The following ABL2 variants were observed in gnomAD, a reference collection of about 807,000 sequenced individuals.
The protein encoded by ABL2 is tyrosine-protein kinase ABL2.
In ABL2, 49 loss-of-function variants were observed where a neutral mutation model predicts 107.7. That is an observed-to-expected ratio of 0.45 (90% CI 0.36 to 0.58). The LOEUF is 0.58. Among genes scored for constraint, ABL2 ranks in the 20% least tolerant of loss-of-function variants. The pLI, the probability that ABL2 is intolerant of heterozygous loss-of-function variation, is 0.00. For synonymous variants in ABL2, 549 were observed against 548.6 expected, an observed-to-expected ratio of 1.00 and a Z score of -0.01; for missense variants, 1,245 against 1,457.0, an observed-to-expected ratio of 0.85 and a Z score of 2.37.
intron 1 of ABL2, among the ~76,000 whole-genome samples, chr1:179,162,604 A>G (rs1659138100): frequency 6.6e-6 from 1 of 152,132 alleles, no homozygotes; most frequent in African/African-American, 2.4e-5. Flanking sequence ...TTAAAAAATA[A>G]ATTTAAAAAA....
chr1:179,208,839 G>A (rs1662117455), intron 1 of ABL2, among the ~76,000 whole-genome samples: 1 of 152,180 alleles, frequency 6.6e-6, no homozygotes, highest in African/African-American at 2.4e-5. Flanking sequence ...AATTTTTGGA[G>A]TTATATGCCT....
intron 1 of ABL2, among the ~76,000 whole-genome samples, chr1:179,172,988 G>A (rs972563238): frequency 2.6e-5 from 4 of 152,096 alleles, no homozygotes; most frequent in Non-Finnish European, 5.9e-5. Context: ...CCAGGAGTTC[G>A]AGACTAGCCT....
At chr1:179,175,847 C>CTTTTTT (rs777854254) in intron 1 of ABL2, among the ~76,000 whole-genome samples, 3 of 132,200 alleles carry the variant, frequency 2.3e-5, no homozygotes, top group Non-Finnish European at 4.8e-5. Context: ...ACACATTCTT[C>CTTTTTT]TTTTTTTTTT....
intron 1 of ABL2, among the ~76,000 whole-genome samples, chr1:179,216,153 C>T (rs556724371): frequency 2.0e-5 from 3 of 152,284 alleles, no homozygotes; most frequent in South Asian, 2.1e-4. Flanking sequence ...TATAGAGAAG[C>T]CGGCAGTTCT....
intron 1 of ABL2, among the ~76,000 whole-genome samples, chr1:179,162,680 T>A (rs1276501468): frequency 6.6e-6 from 1 of 152,206 alleles, no homozygotes; most frequent in Non-Finnish European, 1.5e-5. Flanking sequence ...TTCTTTTCAC[T>A]AAGCATCTCA....
intron 1 of ABL2, among the ~76,000 whole-genome samples, chr1:179,195,319 T>C (rs1462245372): frequency 1.3e-5 from 2 of 151,932 alleles, no homozygotes; most frequent in African/African-American, 4.8e-5. Flanking sequence ...AACAGTGAGA[T>C]ACCACATCAC....
Position 179,109,274 on chromosome 1 carries a change from G to A in ABL2, c.1993C>T (p.Pro665Ser), listed in dbSNP as rs144066805. Reference sequence around the variant, plus strand: ...CGGAAGGAGCTGCTGCGTTTGGGGGGTGTAGGAGCATTTCTCTTCTTCATG... The same window carrying A: ...CGGAAGGAGCTGCTGCGTTTGGGGGATGTAGGAGCATTTCTCTTCTTCATG... ...SFMKKRNAPT[P>S]PKRSSSFREM... The change falls in exon 12 of 12, where the codon CCC becomes TCC. Residue 665 changes from proline to serine, a missense_variant. This residue lies in a region of ABL2 where 761 missense variants were observed against 766.4 expected (regional missense o/e 0.99). Coordinates refer to ENST00000502732, the MANE Select transcript of ABL2 (RefSeq NM_007314.4). 2 of 1,614,096 alleles carry A rather than the reference G, an allele frequency of 1.2e-6. No homozygotes were observed. The highest frequency in any genetic ancestry group is 4.5e-5 in the East Asian group (2 of 44,884).
In ABL2 at chr1:179,112,435, C is replaced by G. The variant is rs539306087; in HGVS notation, c.1562-37G>C. 41 of 1,538,790 alleles carry G rather than the reference C, an allele frequency of 2.7e-5. No homozygotes were observed. The South Asian group carries it at 4.5e-4, about 17-fold the overall frequency. On this transcript the variant is annotated intron_variant, in intron 9 of 11. Transcript: ENST00000502732. ...AAGAAAAAATATTAAAAACTCCTTGCAGAAATTCAATATCCAGTGGTGTAT... is the reference window on the plus strand; with the variant it reads ...AAGAAAAAATATTAAAAACTCCTTGGAGAAATTCAATATCCAGTGGTGTAT...
intron 1 of ABL2, chr1:179,202,028 A>ATT: frequency 5.6e-6 from 3 of 539,370 alleles, no homozygotes; most frequent in African/African-American, 2.0e-5. Context: ...ACATCTTGTC[A>ATT]TTTTTTTTTC....
chr1:179,197,852 A>G (rs1355186630), intron 1 of ABL2, among the ~76,000 whole-genome samples: 3 of 134,752 alleles, frequency 2.2e-5, no homozygotes, highest in South Asian at 2.5e-4. Context: ...CTGGGTGACA[A>G]GAACGAAACT....
chr1:179,109,315 C>G lies in ABL2; in HGVS notation c.1952G>C (p.Gly651Ala). ...CTTCTTCATGAAGGAGCTGAAGAAGCCCCCCTTCCTATCCCTGGTGAAGCA... is the reference window on the plus strand; with the variant it reads ...CTTCTTCATGAAGGAGCTGAAGAAGGCCCCCTTCCTATCCCTGGTGAAGCA... The part of the protein sequence containing the change: ...ETCFTRDRKG[G>A]FFSSFMKKRN... The change falls in exon 12 of 12, where the codon GGC becomes GCC. Residue 651 changes from glycine (G) to alanine (A), a missense_variant. Coordinates refer to ENST00000502732, the MANE Select transcript of ABL2 (RefSeq NM_007314.4). The G allele has an allele frequency of 1.2e-6, 2 of 1,614,042 alleles. No individual in the cohort carries two copies. The highest frequency in any genetic ancestry group is 1.1e-5 in the South Asian group (1 of 91,056).
intron 1 of ABL2, among the ~76,000 whole-genome samples, chr1:179,143,302 A>G (rs1657754756): frequency 6.6e-6 from 1 of 152,238 alleles, no homozygotes; most frequent in African/African-American, 2.4e-5. Flanking sequence ...TTTAAAATGT[A>G]AGTAAAATAA....
chr1:179,111,018 C>T (rs1436922552), intron 10 of ABL2, among the ~76,000 whole-genome samples: 1 of 139,820 alleles, frequency 7.2e-6, no homozygotes, highest in Non-Finnish European at 1.5e-5. Flanking sequence ...GAGTCTCACC[C>T]TGTTGCCCAG....
chr1:179,106,939 C>T lies in ABL2; in HGVS notation c.*779G>A, dbSNP rs1401410740. 1 of 230,538 alleles carries T rather than the reference C, an allele frequency of 4.3e-6. No individual in the cohort carries two copies. Among genetic ancestry groups the T allele is most frequent in the Admixed American group, 5.7e-5 (1 of 17,694 alleles). 14.3% of individuals were successfully genotyped at this position (230,538 alleles called of 1,614,324 possible). Reference sequence around the variant, plus strand: ...AAGAACCACTAGGGAGACCCCTGTACTTATGGTTTACAGATAGCCACCAAC... The same window carrying T: ...AAGAACCACTAGGGAGACCCCTGTATTTATGGTTTACAGATAGCCACCAAC... On this transcript the variant is annotated 3_prime_UTR_variant, in exon 12 of 12. Transcript: ENST00000502732.
intron 1 of ABL2, among the ~76,000 whole-genome samples, chr1:179,154,489 C>G (rs374126149): frequency 6.6e-6 from 1 of 152,328 alleles, no homozygotes; most frequent in East Asian, 1.9e-4. Context: ...ACTGTGTTTT[C>G]CTCCTGCCTC....
chr1:179,142,710 T>C (rs1657698385), intron 1 of ABL2, among the ~76,000 whole-genome samples: 1 of 152,228 alleles, frequency 6.6e-6, no homozygotes, highest in Non-Finnish European at 1.5e-5. Flanking sequence ...AAGCCATCTA[T>C]ATCTTATTAT....
chr1:179,108,929 T>G lies in ABL2; in HGVS notation c.2338A>C (p.Arg780=), dbSNP rs764370676. Residue 780 remains arginine, a synonymous_variant, in exon 12 of 12, where the codon AGG becomes CGG. Coordinates refer to ENST00000502732, the MANE Select transcript of ABL2 (RefSeq NM_007314.4). ...GACATGGAAGATGTAGAGTTTGACC[T>G]TGGAAAAGGCTTGGAAGTGTCATCA... ...ASDDTSKPFP[R]SNSTSSMSSG... 1 of 1,614,146 alleles carries G rather than the reference T, an allele frequency of 6.2e-7. No individual in the cohort carries two copies. The highest frequency in any genetic ancestry group is 8.5e-7 in the Non-Finnish European group (1 of 1,180,024).
chr1:179,172,885 A>G (rs1452727822), intron 1 of ABL2, among the ~76,000 whole-genome samples: 1 of 152,174 alleles, frequency 6.6e-6, no homozygotes, highest in Non-Finnish European at 1.5e-5. Context: ...GAGTATTTAT[A>G]AACTATTAAA....
chr1:179,142,283 A>AT (rs996684437), intron 1 of ABL2, among the ~76,000 whole-genome samples: 8 of 152,230 alleles, frequency 5.3e-5, no homozygotes, highest in African/African-American at 1.7e-4. Flanking sequence ...TAAAAAAGGC[A>AT]TTTTTTTTCT....
Sources: allele counts gnomAD v4.1 joint callset (sites outside exome capture counted in the v4.1 genomes callset), GRCh38; gene constraint gnomAD v4.1.1; regional missense constraint gnomAD v4.1.1; transcripts MANE v1.5; gene names NCBI Gene and HGNC (gene_info 2026-07-23, HGNC 2026-07-21).